FYB1: variants seen among roughly 807,000 people sequenced by gnomAD.
The protein encoded by FYB1 is FYN-binding protein 1.
In FYB1, 41 loss-of-function variants were observed where a neutral mutation model predicts 94.1. The ratio of observed to expected loss-of-function variants is 0.44; its 90% confidence interval spans 0.34 to 0.57. FYB1 has a LOEUF of 0.57. Ranked by LOEUF, FYB1 falls within the 20% of genes least tolerant of loss-of-function variation. FYB1 has a pLI of 0.02. For missense variants in FYB1, 1,050 were observed against 976.8 expected (o/e 1.07, Z -1.00); for synonymous variants, 367 against 353.2 (o/e 1.04, Z -0.44).
intron 1 of FYB1, among the ~76,000 whole-genome samples, chr5:39,216,910 G>A (rs1749914645): frequency 6.6e-6 from 1 of 152,190 alleles, no homozygotes; most frequent in African/African-American, 2.4e-5. Flanking sequence ...AATTTATATA[G>A]CTAAATGATT....
intron 2 of FYB1, among the ~76,000 whole-genome samples, chr5:39,164,512 C>T (rs552504880): frequency 3.3e-5 from 5 of 152,284 alleles, no homozygotes; most frequent in Admixed American, 6.5e-5. Flanking sequence ...GCAACATCCA[C>T]TTCCCAGGTT....
intron 2 of FYB1, among the ~76,000 whole-genome samples, chr5:39,180,275 G>A (rs1337803614): frequency 6.6e-6 from 1 of 152,204 alleles, no homozygotes; most frequent in Non-Finnish European, 1.5e-5. Flanking sequence ...AATGCTGTTG[G>A]AAGAAGTGAG....
At chr5:39,227,844 GC>G (rs1750550677) in intron 1 of FYB1, among the ~76,000 whole-genome samples, 1 of 152,128 alleles carries the variant, frequency 6.6e-6, no homozygotes, top group Non-Finnish European at 1.5e-5. Context: ...TGAGTCATGA[GC>G]TTTTGAAATT....
At chr5:39,156,345 G>A (rs964837279) in intron 2 of FYB1, among the ~76,000 whole-genome samples, 13 of 152,262 alleles carry the variant, frequency 8.5e-5, no homozygotes, top group East Asian at 7.7e-4. Flanking sequence ...CTCTTCTACC[G>A]GACTTGGAAC....
chr5:39,168,532 G>C (rs1185350654), intron 2 of FYB1, among the ~76,000 whole-genome samples: 1 of 152,086 alleles, frequency 6.6e-6, no homozygotes, highest in Non-Finnish European at 1.5e-5. Context: ...AATTGCCACA[G>C]TTAGGTTATC....
chr5:39,245,485 G>A (rs1410028499), intron 1 of FYB1, among the ~76,000 whole-genome samples: 1 of 152,112 alleles, frequency 6.6e-6, no homozygotes, highest in Non-Finnish European at 1.5e-5. Flanking sequence ...TGTTTCACAT[G>A]GTCCTGACAG....
intron 1 of FYB1, among the ~76,000 whole-genome samples, chr5:39,271,286 T>A (rs1308606688): frequency 1.3e-5 from 2 of 152,088 alleles, no homozygotes; most frequent in Non-Finnish European, 2.9e-5. Context: ...AATTTTGGGG[T>A]AATATTTGTT....
chr5:39,238,575 A>C (rs1160424513), intron 1 of FYB1, among the ~76,000 whole-genome samples: 1 of 152,090 alleles, frequency 6.6e-6, no homozygotes, highest in Non-Finnish European at 1.5e-5. Flanking sequence ...GAGGACAATG[A>C]GGTCTCTGTA....
At chr5:39,241,372 T>C (rs992778435) in intron 1 of FYB1, among the ~76,000 whole-genome samples, 4 of 152,174 alleles carry the variant, frequency 2.6e-5, no homozygotes, top group African/African-American at 9.6e-5. Flanking sequence ...GTCCAGGACC[T>C]ATGAGTCTGG....
In FYB1 at chr5:39,118,946, G is replaced by C. The variant is rs1156999861; in HGVS notation, c.2329C>G (p.Pro777Ala). 1.3e-6 allele frequency: 2 copies of C among 1,573,232 alleles called. No homozygotes were observed. Among genetic ancestry groups the C allele is most frequent in the Non-Finnish European group, 1.7e-6 (2 of 1,154,392 alleles). ...KWGTRDLQVKPGESLEVIQTT... is the reference protein window; with the variant it reads ...KWGTRDLQVKAGESLEVIQTT... ...TGTATAACTTCTAGAGATTCACCAG[G>C]TTTTACCTGTAGATCTCTGGTTCCC... The change falls in exon 16 of 19, where the codon CCT becomes GCT. Residue 777 changes from proline to alanine, a missense_variant. By Grantham distance (27) the Pro-to-Ala change is conservative (BLOSUM62 -1). Transcript: ENST00000512982.
intron 9 of FYB1, among the ~76,000 whole-genome samples, chr5:39,131,664 T>G (rs1332180623): frequency 1.3e-5 from 2 of 152,198 alleles, no homozygotes; most frequent in Non-Finnish European, 2.9e-5. Flanking sequence ...ACTGTCTGCT[T>G]GCTTATGTAC....
Position 39,270,661 on chromosome 5 carries a change from G to A in FYB1, c.-28+3742C>T, listed in dbSNP as rs1409232455. 51 of 1,284,458 alleles carry A rather than the reference G, an allele frequency of 4.0e-5. No homozygotes were observed. In the East Asian group the frequency reaches 1.3e-3, roughly 32 times the overall value. The allele number at this position is 1,284,458 out of a possible 1,614,324, so 79.6% of individuals were successfully genotyped here. ...TGAATGTGCAAGTTAGCTATGCAGAGTGTACTTCCTTTTCTGAGCTGTGTG... is the reference window on the plus strand; with the variant it reads ...TGAATGTGCAAGTTAGCTATGCAGAATGTACTTCCTTTTCTGAGCTGTGTG... On this transcript the variant is annotated intron_variant, in intron 1 of 1. Coordinates refer to the FYB1 transcript ENST00000510188.
At chr5:39,273,880 T>C (rs1425879854) in intron 1 of FYB1, among the ~76,000 whole-genome samples, 1 of 151,982 alleles carries the variant, frequency 6.6e-6, no homozygotes, top group African/African-American at 2.4e-5. Flanking sequence ...TGAGTAATAT[T>C]AATGATCATT....
At chr5:39,238,660 C>T (rs1751074268) in intron 1 of FYB1, among the ~76,000 whole-genome samples, 1 of 152,036 alleles carries the variant, frequency 6.6e-6, no homozygotes, top group African/African-American at 2.4e-5. Context: ...TGTCTGCATA[C>T]AATCTCTACA....
intron 18 of FYB1, among the ~76,000 whole-genome samples, chr5:39,107,806 C>G (rs986574241): frequency 6.6e-6 from 1 of 151,966 alleles, no homozygotes; most frequent in Non-Finnish European, 1.5e-5. Flanking sequence ...TAAAGGAAAT[C>G]ATGATCAACA....
chr5:39,169,295 T>C, intron 2 of FYB1: 2 of 868,128 alleles, frequency 2.3e-6, no homozygotes, highest in East Asian at 2.4e-5. Context: ...AAGCCATATA[T>C]ATAATCACAA....
chr5:39,205,631 C>T (rs570135589), intron 1 of FYB1, among the ~76,000 whole-genome samples: 26 of 152,146 alleles, frequency 1.7e-4, no homozygotes, highest in Non-Finnish European at 3.4e-4. Context: ...AACTCAATGT[C>T]CTGGCTTTGG....
intron 1 of FYB1, among the ~76,000 whole-genome samples, chr5:39,215,021 T>C (rs1561278919): frequency 6.6e-6 from 1 of 152,122 alleles, no homozygotes; most frequent in Non-Finnish European, 1.5e-5. Context: ...TGCCAGGGGC[T>C]GGAGGGAGGA....
In FYB1 at chr5:39,139,233, C is replaced by A; in HGVS notation, c.1359G>T (p.Glu453Asp). The part of the protein sequence containing the change: ...THSDGAGNLD[E>D]EQDSEGETYE... ...ATATGAGAAGAGAAAAAAATCTGAC[C>A]TCATCTAGATTTCCAGCACCTAAAA... The change falls in exon 5 of 19, where the codon GAG (glutamate) becomes GAT (aspartate). Residue 453 changes from glutamate to aspartate, a missense_variant and splice_region_variant. Glu to Asp is a conservative substitution (Grantham distance 45). Transcript: ENST00000512982. 2 of 1,460,638 alleles carry A rather than the reference C, an allele frequency of 1.4e-6. No homozygotes were observed. The highest frequency in any genetic ancestry group is 1.3e-5 in the South Asian group (1 of 77,392). The allele number at this position is 1,460,638 out of a possible 1,614,324, so 90.5% of individuals were successfully genotyped here. A position where few individuals can be genotyped will look rare whatever the true frequency, so the allele number is the denominator to read the frequency against.
Sources: allele counts gnomAD v4.1 joint callset (sites outside exome capture counted in the v4.1 genomes callset), GRCh38; gene constraint gnomAD v4.1.1; transcripts MANE v1.5; gene names NCBI Gene and HGNC (gene_info 2026-07-23, HGNC 2026-07-21).